The following CNGB3 variants were observed in gnomAD, a reference collection of about 807,000 sequenced individuals.
CNGB3 encodes the protein cyclic nucleotide-gated channel beta-3.
Under a neutral mutation model 92.8 loss-of-function variants are expected in CNGB3, and 86 were observed. The ratio of observed to expected loss-of-function variants is 0.93; its 90% CI spans 0.78 to 1.11. The LOEUF (loss-of-function observed/expected upper bound fraction) is 1.11, where lower values mean the gene tolerates loss of function less well. Among genes scored for constraint, CNGB3 ranks in the 50% least tolerant of loss-of-function variants. The pLI is 0.00. For missense variants in CNGB3, 1,026 were observed against 956.8 expected (o/e 1.07, Z -0.95); for synonymous variants, 333 against 332.7 (o/e 1.00, Z -0.01).
At chr8:86,674,941 TTTGTTGTTGTTG>T (rs79993104) in intron 3 of CNGB3, among the ~76,000 whole-genome samples, 25 of 149,324 alleles carry the variant, frequency 1.7e-4, no homozygotes, top group East Asian at 6.0e-4. Flanking sequence ...TTTCTCTCTT[TTTGTTGTTGTTG>T]TTGTTGTTGT....
At chr8:86,628,547 T>TGCTG (rs1822895236) in intron 12 of CNGB3, among the ~76,000 whole-genome samples, 1 of 152,186 alleles carries the variant, frequency 6.6e-6, no homozygotes, top group African/African-American at 2.4e-5. Context: ...TTAGACTGTG[T>TGCTG]GCTGGCTCTG....
chr8:86,740,206 G>C (rs567300478), intron 1 of CNGB3, among the ~76,000 whole-genome samples: 1 of 152,194 alleles, frequency 6.6e-6, no homozygotes, highest in African/African-American at 2.4e-5. Flanking sequence ...GTGTGCCTCA[G>C]GATGTTCCTA....
intron 10 of CNGB3, among the ~76,000 whole-genome samples, chr8:86,642,983 A>G (rs1585987912): frequency 6.6e-6 from 1 of 151,660 alleles, no homozygotes; most frequent in East Asian, 1.9e-4. Context: ...TTCATTACTA[A>G]CAATCGGCAT....
At chr8:86,635,438 A>G (rs2131587511) in intron 10 of CNGB3, among the ~76,000 whole-genome samples, 1 of 152,218 alleles carries the variant, frequency 6.6e-6, no homozygotes, top group South Asian at 2.1e-4. Flanking sequence ...TTTCTTTTTT[A>G]TGATTTTAAA....
At position 86,726,672 on chromosome 8, in the gene CNGB3, T is replaced by A; in HGVS notation, c.212-15A>T. ...GGAGAGTTTGTCTATGAAAAAAAAA[T>A]TCACATAGATAGAAGAATGTACAAC... On this transcript the variant is annotated splice_polypyrimidine_tract_variant and intron_variant, in intron 2 of 17. Coordinates refer to ENST00000320005, the MANE Select transcript of CNGB3 (RefSeq NM_019098.5). The A allele has an allele frequency of 1.2e-6, 2 of 1,612,578 alleles. No individual in the cohort carries two copies. The highest frequency in any genetic ancestry group is 1.7e-6 in the Non-Finnish European group (2 of 1,178,852).
intron 3 of CNGB3, among the ~76,000 whole-genome samples, chr8:86,715,063 T>C: frequency 6.6e-6 from 1 of 152,142 alleles, no homozygotes; most frequent in Non-Finnish European, 1.5e-5. Flanking sequence ...ACCCACTCCG[T>C]TTGCTGAAGA....
At chr8:86,593,107 C>T (rs760797892) in intron 15 of CNGB3, among the ~76,000 whole-genome samples, 4 of 152,120 alleles carry the variant, frequency 2.6e-5, no homozygotes, top group Non-Finnish European at 4.4e-5. Context: ...AATGTCTGCA[C>T]ATACAGATTT....
At chr8:86,648,471 A>G (rs998889538) in intron 7 of CNGB3, among the ~76,000 whole-genome samples, 1 of 151,166 alleles carries the variant, frequency 6.6e-6, no homozygotes, top group East Asian at 1.9e-4. Flanking sequence ...GAAATCAATA[A>G]TGTTTGCAAT....
chr8:86,665,818 A>G (rs1213018436), intron 6 of CNGB3, among the ~76,000 whole-genome samples: 5 of 152,192 alleles, frequency 3.3e-5, no homozygotes, highest in African/African-American at 1.2e-4. Context: ...ACCTGGGCCA[A>G]TCGTACCCCA....
At chr8:86,636,832 T>G (rs563954892) in intron 10 of CNGB3, among the ~76,000 whole-genome samples, 150 of 152,144 alleles carry the variant, frequency 9.9e-4, no homozygotes, top group Middle Eastern at 6.8e-3. Flanking sequence ...ACAAGTGAGG[T>G]CATATGAGGT....
chr8:86,699,559 G>A (rs1341465679), intron 3 of CNGB3, among the ~76,000 whole-genome samples: 1 of 152,058 alleles, frequency 6.6e-6, no homozygotes, highest in Non-Finnish European at 1.5e-5. Context: ...CCATTTATTG[G>A]TACTTATGGA....
chr8:86,578,350 AG>A (rs1821697711), intron 17 of CNGB3, among the ~76,000 whole-genome samples: 1 of 152,202 alleles, frequency 6.6e-6, no homozygotes, highest in Non-Finnish European at 1.5e-5. Flanking sequence ...TGACCACAAA[AG>A]CACCATGAGT....
intron 3 of CNGB3, among the ~76,000 whole-genome samples, chr8:86,693,836 T>C (rs1824370024): frequency 6.6e-6 from 1 of 151,818 alleles, no homozygotes; most frequent in Admixed American, 6.6e-5. Context: ...AAGTCTCCCA[T>C]GTCTACTTCT....
intron 14 of CNGB3, among the ~76,000 whole-genome samples, chr8:86,609,450 A>G (rs1406238522): frequency 6.6e-6 from 1 of 151,980 alleles, no homozygotes; most frequent in Non-Finnish European, 1.5e-5. Flanking sequence ...TTTTATCATA[A>G]TCTCTCTTCC....
chr8:86,712,968 GA>G (rs1240312610), intron 3 of CNGB3, among the ~76,000 whole-genome samples: 29 of 151,266 alleles, frequency 1.9e-4, no homozygotes, highest in Admixed American at 5.9e-4. Flanking sequence ...AAAGAAAAAA[GA>G]AAAGAAAAAA....
chr8:86,731,679 C>A (rs1825157753), intron 2 of CNGB3, among the ~76,000 whole-genome samples: 1 of 152,090 alleles, frequency 6.6e-6, no homozygotes, highest in Non-Finnish European at 1.5e-5. Flanking sequence ...ATAACTAATT[C>A]TCTAGGTGAC....
Position 86,575,691 on chromosome 8 carries a change from C to G in CNGB3, c.*113G>C, listed in dbSNP as rs1821643116. 1.1e-6 allele frequency: 1 copy of G among 870,934 alleles called. No homozygotes were observed. Among genetic ancestry groups the G allele is most frequent in the Non-Finnish European group, 1.8e-6 (1 of 556,176 alleles). 54.0% of individuals were successfully genotyped at this position (870,934 alleles called of 1,614,324 possible). A position where few individuals can be genotyped will look rare whatever the true frequency, so the allele number is the denominator to read the frequency against. On this transcript the variant is annotated 3_prime_UTR_variant, in exon 18 of 18. Transcript: ENST00000320005. ...CCTAGAAACTAAGCTAGGGATTTGC[C>G]TTTCGTTTCTCAAGGGTCCCAGCAT...
At chr8:86,605,787 A>G (rs1486884797) in intron 14 of CNGB3, among the ~76,000 whole-genome samples, 24 of 152,204 alleles carry the variant, frequency 1.6e-4, no homozygotes, top group Admixed American at 1.6e-3. Flanking sequence ...GGGAGATTCT[A>G]AAGTCTTTCC....
At chr8:86,686,230 C>T (rs895128711) in intron 3 of CNGB3, among the ~76,000 whole-genome samples, 8 of 152,002 alleles carry the variant, frequency 5.3e-5, no homozygotes, top group Non-Finnish European at 1.2e-4. Flanking sequence ...ACTGAATATT[C>T]AATTCAAATA....
Sources: allele counts gnomAD v4.1 joint callset (sites outside exome capture counted in the v4.1 genomes callset), GRCh38; gene constraint gnomAD v4.1.1; transcripts MANE v1.5; gene names NCBI Gene and HGNC (gene_info 2026-07-23, HGNC 2026-07-21).